Variants in ZZEF1 observed in about 807,000 individuals in gnomAD.
The protein encoded by ZZEF1 is zinc finger ZZ-type and EF-hand domain-containing protein 1.
Under a neutral mutation model 342.8 loss-of-function variants are expected in ZZEF1, and 157 were observed. That is an observed-to-expected ratio of 0.46 (90% CI 0.40 to 0.52). ZZEF1 has a LOEUF of 0.52. Ranked by LOEUF, ZZEF1 falls within the 20% of genes least tolerant of loss-of-function variation. ZZEF1 has a pLI of 0.00. For synonymous variants in ZZEF1, 1,505 were observed against 1,429.1 expected (o/e 1.05, Z -1.20); for missense variants, 3,480 against 3,725.6 (o/e 0.93, Z 1.72).
In ZZEF1 at chr17:4,076,726, T is replaced by C; in HGVS notation, c.3145A>G (p.Ile1049Val). The C allele has an allele frequency of 6.2e-7, 1 of 1,612,398 alleles. No homozygotes were observed. The highest frequency in any genetic ancestry group is 2.2e-5 in the East Asian group (1 of 44,810). The part of the protein sequence containing the change: ...IFLLDFCTLD[I>V]PHCVLLREFS... ...TCTCTCAAGAGCACGCAGTGTGGGATGTCTAAAGTGCAGAAGTCCAGCAGG... is the reference window on the plus strand; with the variant it reads ...TCTCTCAAGAGCACGCAGTGTGGGACGTCTAAAGTGCAGAAGTCCAGCAGG... Residue 1049 changes from isoleucine to valine, a missense_variant, in exon 21 of 55, where the codon ATC (isoleucine) becomes GTC (valine). Coordinates refer to ENST00000381638, the MANE Select transcript of ZZEF1 (RefSeq NM_015113.4).
At chr17:4,049,155 T>C (rs749686095) in intron 37 of ZZEF1, among the ~76,000 whole-genome samples, 2 of 152,212 alleles carry the variant, frequency 1.3e-5, no homozygotes, top group Non-Finnish European at 2.9e-5. Context: ...GTACGTCATA[T>C]ATACAACTCC....
chr17:4,061,113 T>C lies in ZZEF1; in HGVS notation c.4883+1640A>G, dbSNP rs528457497. Among the ~76,000 whole-genome samples the C allele has an allele frequency of 1.4e-3, 212 of 152,380 alleles. 1 individual carries two copies. The highest frequency in any genetic ancestry group is 4.8e-3 in the African/African-American group (199 of 41,594). The stretch of plus-strand genomic sequence containing the variant: ...TATCACCCTCATTCTCGCTGGCCTT[T>C]TGGCCAATGGCTCCAGTAAGACTGC... On this transcript the variant is annotated intron_variant, in intron 30 of 54. Coordinates refer to ENST00000381638, the MANE Select transcript of ZZEF1 (RefSeq NM_015113.4).
At chr17:4,023,476 A>G (rs1304031873) in intron 43 of ZZEF1, among the ~76,000 whole-genome samples, 2 of 152,018 alleles carry the variant, frequency 1.3e-5, no homozygotes, top group African/African-American at 4.8e-5. Context: ...CTTTCCTACT[A>G]TGATGTAAAC....
intron 18 of ZZEF1, among the ~76,000 whole-genome samples, chr17:4,078,267 A>G (rs1041190977): frequency 2.0e-5 from 3 of 152,098 alleles, no homozygotes; most frequent in African/African-American, 7.2e-5. Flanking sequence ...TTTATTCCAC[A>G]TGACATCTCC....
intron 9 of ZZEF1, among the ~76,000 whole-genome samples, chr17:4,100,710 C>T (rs145245010): frequency 0.067 from 10,142 of 152,248 alleles, 466 homozygotes; most frequent in South Asian, 0.13. Context: ...TGGCGGGCGC[C>T]TGTAGTCTCA....
intron 37 of ZZEF1, among the ~76,000 whole-genome samples, chr17:4,047,769 G>A (rs926703361): frequency 4.6e-5 from 7 of 150,944 alleles, no homozygotes; most frequent in African/African-American, 9.8e-5. Context: ...GGTGAAACCC[G>A]TCTCTACTAA....
At chr17:4,135,470 T>A (rs937801810) in intron 1 of ZZEF1, among the ~76,000 whole-genome samples, 2 of 81,718 alleles carry the variant, frequency 2.4e-5, no homozygotes, top group Non-Finnish European at 3.4e-5. Flanking sequence ...CAAGACTCCA[T>A]CTTAAAAAAA....
chr17:4,039,073 C>T (rs9892252), intron 39 of ZZEF1, among the ~76,000 whole-genome samples: 17,810 of 152,040 alleles, frequency 0.12, 1,105 homozygotes, highest in Non-Finnish European at 0.14. Flanking sequence ...AAAATAACCT[C>T]AGTGGTGATT....
chr17:4,042,397 C>T lies in ZZEF1; in HGVS notation c.6306+32G>A, dbSNP rs115433410. 2.0e-3 allele frequency: 3,193 copies of T among 1,597,216 alleles called. 41 individuals carry two copies. The African/African-American group carries it at 0.038, about 19-fold the overall frequency. Reference sequence around the variant, plus strand: ...CAAAACCTTCTTCTATGCATACCACCACCCCCACTTTTAAAAATAAATTGC... The same window carrying T: ...CAAAACCTTCTTCTATGCATACCACTACCCCCACTTTTAAAAATAAATTGC... On this transcript the variant is annotated intron_variant, in intron 39 of 54. Coordinates refer to ENST00000381638, the MANE Select transcript of ZZEF1 (RefSeq NM_015113.4).
chr17:4,010,355 TAA>T (rs11290283), intron 52 of ZZEF1, among the ~76,000 whole-genome samples: 15 of 147,834 alleles, frequency 1.0e-4, no homozygotes, highest in African/African-American at 1.7e-4. Context: ...CCTTGTCTCT[TAA>T]AAAAAAAAAA....
intron 2 of ZZEF1, among the ~76,000 whole-genome samples, chr17:4,118,452 G>A (rs2058433056): frequency 6.6e-6 from 1 of 152,166 alleles, no homozygotes; most frequent in Non-Finnish European, 1.5e-5. Flanking sequence ...ATGGGGGTCT[G>A]CCAAAGGCTC....
At chr17:4,094,286 C>T (rs113664071) in intron 11 of ZZEF1, among the ~76,000 whole-genome samples, 6 of 152,060 alleles carry the variant, frequency 3.9e-5, no homozygotes, top group African/African-American at 1.4e-4. Flanking sequence ...GGACTACAGG[C>T]GCGTGATACC....
chr17:4,021,230 C>T lies in ZZEF1; in HGVS notation c.7303G>A (p.Glu2435Lys). 1 of 1,614,238 alleles carries T rather than the reference C, an allele frequency of 6.2e-7. No homozygotes were observed. The highest frequency in any genetic ancestry group is 1.1e-5 in the South Asian group (1 of 91,076). Reference protein sequence around the residue: ...DLELDERGDREEEVERPVSSP... With the variant: ...DLELDERGDRKEEVERPVSSP... ...CTGACTGGCCGTTCCACCTCTTCCT[C>T]TCGGTCCCCTCGCTCATCCAGCTCT... is the stretch of plus-strand genomic sequence containing the variant. The change falls in exon 45 of 55, where the codon GAG becomes AAG. Residue 2435 changes from glutamate (E) to lysine (K), a missense_variant. Physicochemically the swap from Glu to Lys is moderately conservative, Grantham distance 56. Coordinates refer to ENST00000381638, the MANE Select transcript of ZZEF1 (RefSeq NM_015113.4).
Position 4,049,708 on chromosome 17 carries a change from A to G in ZZEF1, c.6015T>C (p.Asn2005=). Residue 2005 remains asparagine, a splice_region_variant and synonymous_variant, in exon 37 of 55, where the codon AAT becomes AAC. Coordinates refer to ENST00000381638, the MANE Select transcript of ZZEF1 (RefSeq NM_015113.4). ...VQGAELSEAG[N]GKRAVHEEIR... ...TGTGTAGTAAAGAATCGTCATTTAC[A>G]TTGCCTGCTTCTGACAGCTCAGCAC... 6.2e-7 allele frequency: 1 copy of G among 1,613,902 alleles called. No individual in the cohort carries two copies.
Position 4,058,003 on chromosome 17 carries a change from C to T in ZZEF1, c.5156G>A (p.Ser1719Asn), listed in dbSNP as rs1597826306. ...AGGACCGTGCTCTTACCTGATCACA[C>T]TGTCATGGACACTTATATTCTCCTG... ...MSQENISVHD[S>N]VISQWSEEDE... Residue 1719 changes from serine to asparagine, a missense_variant, in exon 32 of 55, where the codon AGT becomes AAT. Ser to Asn is a conservative substitution (Grantham distance 46). This residue lies in a region of ZZEF1 where 175 missense variants were observed against 254.6 expected (regional missense o/e 0.69). Transcript: ENST00000381638. 6.2e-7 allele frequency: 1 copy of T among 1,614,066 alleles called. No individual in the cohort carries two copies. The highest frequency in any genetic ancestry group is 8.5e-7 in the Non-Finnish European group (1 of 1,179,950).
At chr17:4,064,240 C>G (rs2057344959) in intron 29 of ZZEF1, 121 bp downstream of exon 29, 5 of 793,646 alleles carry the variant, frequency 6.3e-6, no homozygotes, top group Non-Finnish European at 9.5e-6. Flanking sequence ...TATTCTAAAA[C>G]AAGTCTTGAT....
In ZZEF1 at chr17:4,008,802, T is replaced by C. The variant is rs114621373; in HGVS notation, c.8805+81A>G. ...GATTCTGTCCTACTCAGACGCAATG[T>C]ACAGACCTTCTCTGCCCTGGCAATG... On this transcript the variant is annotated intron_variant, in intron 54 of 54. Transcript: ENST00000381638. This position sits in a 1 kb window ranked among gnomAD's most constrained non-coding sequence, Gnocchi z 4.2. 9.4e-4 allele frequency: 1,432 copies of C among 1,529,458 alleles called. 10 individuals carry two copies. In the African/African-American group the frequency reaches 0.018, roughly 19 times the overall value. 94.7% of individuals were successfully genotyped at this position (1,529,458 alleles called of 1,614,324 possible).
At position 4,122,130 on chromosome 17, in the gene ZZEF1, T is replaced by C. The variant is rs571699637; in HGVS notation, c.499+1777A>G. Reference sequence around the variant, plus strand: ...GCAATCAGATTTACATTTATGTGTCTATCAAATCTATTTTGCCTCCATTGC... The same window carrying C: ...GCAATCAGATTTACATTTATGTGTCCATCAAATCTATTTTGCCTCCATTGC... On this transcript the variant is annotated intron_variant, in intron 2 of 54. Transcript: ENST00000381638. Among the ~76,000 whole-genome samples the C allele has an allele frequency of 2.0e-5, 3 of 152,318 alleles. No homozygotes were observed. In the South Asian group the frequency reaches 6.2e-4, roughly 32 times the overall value.
intron 29 of ZZEF1, 102 bp from the exon 30 acceptor site, chr17:4,063,019 A>G (rs923483381): frequency 8.9e-6 from 11 of 1,240,718 alleles, no homozygotes; most frequent in Non-Finnish European, 1.2e-5. Flanking sequence ...CAAAGAGGAA[A>G]CACTATTGTG....
Sources: gnomAD v4.1 joint callset for allele counts (sites outside exome capture counted in the v4.1 genomes callset) on GRCh38, gnomAD v4.1.1 for gene constraint, gnomAD v4.1.1 regional missense constraint, Gnocchi (gnomAD v3.1) non-coding constraint, MANE v1.5 for transcripts, NCBI Gene and HGNC (gene_info 2026-07-23, HGNC 2026-07-21) for gene names.